The following OSBPL3 variants were observed in gnomAD, a reference collection of about 807,000 sequenced individuals.
OSBPL3 encodes oxysterol binding protein like 3.
OSBPL3 carries 65 observed loss-of-function variants against 120.1 expected under a neutral mutation model. That is an observed-to-expected ratio of 0.54 (90% CI 0.44 to 0.67). The LOEUF is 0.67. OSBPL3 is among the 30% of genes least tolerant of loss of function. OSBPL3 has a pLI of 0.00. For synonymous variants in OSBPL3, 416 were observed against 402.6 expected (o/e 1.03, Z -0.40); for missense variants, 1,004 against 1,082.1 (o/e 0.93, Z 1.01).
chr7:24,942,025 G>A lies in OSBPL3; in HGVS notation c.-150+37861C>T, dbSNP rs373814138. The stretch of plus-strand genomic sequence containing the variant: ...CACATCTCTCTTTGTAACACATAAC[G>A]CAACAGAAAAGAAAAAGCTTTGTTC... On this transcript the variant is annotated intron_variant, in intron 1 of 22. Coordinates refer to ENST00000313367, the MANE Select transcript of OSBPL3 (RefSeq NM_015550.4). Among the ~76,000 whole-genome samples the A allele has an allele frequency of 1.8e-4, 27 of 152,196 alleles. 4 individuals carry two copies. The highest frequency in any genetic ancestry group is 5.2e-4 in the Admixed American group (8 of 15,286).
In OSBPL3 at chr7:24,967,762, T is replaced by A. The variant is rs1377421938; in HGVS notation, c.-150+12124A>T. On this transcript the variant is annotated intron_variant, in intron 1 of 22. Transcript: ENST00000313367. The surrounding 1 kb of genome is among the most constrained non-coding windows in gnomAD (Gnocchi z 5.6). The stretch of plus-strand genomic sequence containing the variant: ...GGACCTGCCCCAAAGGTTCTATAGG[T>A]AAAGGCCCCCTTAACTGTCACAATT... Among the ~76,000 whole-genome samples, 1 of 152,124 alleles carries A rather than the reference T, an allele frequency of 6.6e-6. No homozygotes were observed. Among genetic ancestry groups the A allele is most frequent in the Non-Finnish European group, 1.5e-5 (1 of 68,032 alleles).
In OSBPL3 at chr7:24,936,609, G is replaced by A. The variant is rs1812454260; in HGVS notation, c.-150+43277C>T. 6.6e-6 allele frequency among the ~76,000 whole-genome samples: 1 copy of A among 152,158 alleles called. No homozygotes were observed. Among genetic ancestry groups the A allele is most frequent in the South Asian group, 2.1e-4 (1 of 4,834 alleles). On this transcript the variant is annotated intron_variant, in intron 1 of 22. Transcript: ENST00000313367. The surrounding 1 kb of genome is among the most constrained non-coding windows in gnomAD (Gnocchi z 4.2). ...AAACCTCCTATTTGGGCTTCTGCCA[G>A]GTGGCAAAGAGAAAATGAAAATAGG... is the stretch of plus-strand genomic sequence containing the variant.
In OSBPL3 at chr7:24,852,444, C is replaced by G; in HGVS notation, c.1158+60G>C. 1 of 1,337,932 alleles carries G rather than the reference C, an allele frequency of 7.5e-7. No individual in the cohort carries two copies. The highest frequency in any genetic ancestry group is 9.8e-7 in the Non-Finnish European group (1 of 1,021,600). 82.9% of individuals were successfully genotyped at this position (1,337,932 alleles called of 1,614,324 possible). On this transcript the variant is annotated intron_variant, in intron 11 of 22. Transcript: ENST00000313367. The surrounding 1 kb of genome is among the most constrained non-coding windows in gnomAD (Gnocchi z 4.1). The stretch of plus-strand genomic sequence containing the variant: ...AACATAATCATGGAAATAGAAATTA[C>G]AAACCATTCATGAGCCTGGACACAT...
At chr7:24,970,150 G>A (rs1242467817) in intron 1 of OSBPL3, among the ~76,000 whole-genome samples, 1 of 120,954 alleles carries the variant, frequency 8.3e-6, no homozygotes, top group African/African-American at 3.3e-5. Flanking sequence ...CGCTCTTGTC[G>A]TCTAGGGAGT....
In OSBPL3 at chr7:24,883,961, G is replaced by C. The variant is rs1203635750; in HGVS notation, c.96+8416C>G. 6.6e-6 allele frequency among the ~76,000 whole-genome samples: 1 copy of C among 152,074 alleles called. No homozygotes were observed. The highest frequency in any genetic ancestry group is 1.5e-5 in the Non-Finnish European group (1 of 68,024). ...TTATAACCATAGGGGTGGCTAAAAG[G>C]TCAGCAGTAAGGAGGAGAAGTAAAA... On this transcript the variant is annotated intron_variant, in intron 2 of 22. Transcript: ENST00000313367. This position sits in a 1 kb window ranked among gnomAD's most constrained non-coding sequence, Gnocchi z 5.4.
Position 24,930,065 on chromosome 7 carries a change from C to A in OSBPL3, c.-149-37444G>T, listed in dbSNP as rs1278778358. ...GTTAATGATAAAGGAAGGAAAATAT[C>A]ATACATTCTTTATGAGAAAACTTTA... On this transcript the variant is annotated intron_variant, in intron 1 of 22. Coordinates refer to ENST00000313367, the MANE Select transcript of OSBPL3 (RefSeq NM_015550.4). This position sits in a 1 kb window ranked among gnomAD's most constrained non-coding sequence, Gnocchi z 4.4. Among the ~76,000 whole-genome samples the A allele has an allele frequency of 6.6e-6, 1 of 152,070 alleles. No homozygotes were observed. Among genetic ancestry groups the A allele is most frequent in the Non-Finnish European group, 1.5e-5 (1 of 67,998 alleles).
At chr7:24,897,237 T>A (rs138637138) in intron 1 of OSBPL3, among the ~76,000 whole-genome samples, 369 of 151,756 alleles carry the variant, frequency 2.4e-3, no homozygotes, top group African/African-American at 8.5e-3. Flanking sequence ...TCCTCTCTCC[T>A]GGCTTCCTGA....
At position 24,817,488 on chromosome 7, in the gene OSBPL3, G is replaced by A. The variant is rs1296539000; in HGVS notation, c.1949-800C>T. ...GCCATTGCACTCCAGCCTGGGTGATGGAGTGAGATTCTGCCAAAAAAAACA... is the reference window on the plus strand; with the variant it reads ...GCCATTGCACTCCAGCCTGGGTGATAGAGTGAGATTCTGCCAAAAAAAACA... On this transcript the variant is annotated intron_variant, in intron 17 of 22. Coordinates refer to ENST00000313367, the MANE Select transcript of OSBPL3 (RefSeq NM_015550.4). The surrounding 1 kb of genome is among the most constrained non-coding windows in gnomAD (Gnocchi z 4.0). Among the ~76,000 whole-genome samples, 2 of 152,030 alleles carry A rather than the reference G, an allele frequency of 1.3e-5. No homozygotes were observed. Among genetic ancestry groups the A allele is most frequent in the South Asian group, 2.1e-4 (1 of 4,818 alleles).
At position 24,964,206 on chromosome 7, in the gene OSBPL3, T is replaced by G. The variant is rs1816120209; in HGVS notation, c.-150+15680A>C. Among the ~76,000 whole-genome samples, 1 of 152,124 alleles carries G rather than the reference T, an allele frequency of 6.6e-6. No individual in the cohort carries two copies. Among genetic ancestry groups the G allele is most frequent in the Non-Finnish European group, 1.5e-5 (1 of 68,006 alleles). On this transcript the variant is annotated intron_variant, in intron 1 of 22. Coordinates refer to ENST00000313367, the MANE Select transcript of OSBPL3 (RefSeq NM_015550.4). This position sits in a 1 kb window ranked among gnomAD's most constrained non-coding sequence, Gnocchi z 4.2. ...TGTAGCTACACCACCCTCAAGGAAG[T>G]GCAGTGTAACTCCCCACTCCTTAAG...
In OSBPL3 at chr7:24,853,188, G is replaced by C. The variant is rs563980709; in HGVS notation, c.1028-554C>G. Among the ~76,000 whole-genome samples the C allele has an allele frequency of 2.6e-4, 39 of 152,304 alleles. No individual in the cohort carries two copies. The South Asian group carries it at 8.1e-3, about 32-fold the overall frequency. ...AAGACTGGAAAGGGTTAAAAACAAAGCTTATTGGTTTTCCAGGGGAAAATG... is the reference window on the plus strand; with the variant it reads ...AAGACTGGAAAGGGTTAAAAACAAACCTTATTGGTTTTCCAGGGGAAAATG... On this transcript the variant is annotated intron_variant, in intron 10 of 22. Coordinates refer to ENST00000313367, the MANE Select transcript of OSBPL3 (RefSeq NM_015550.4).
rs185179811 is a variant in OSBPL3, at chr7:24,879,845, T to C, written c.97-7776A>G. 3.3e-5 allele frequency among the ~76,000 whole-genome samples: 5 copies of C among 152,366 alleles called. No individual in the cohort carries two copies. Among genetic ancestry groups the C allele is most frequent in the Non-Finnish European group, 5.9e-5 (4 of 68,036 alleles). ...CTGTTGATCACTCACTCAGCATTTA[T>C]GGCTACAATTACTTTGGCATGTTTT... On this transcript the variant is annotated intron_variant, in intron 2 of 22. Coordinates refer to ENST00000313367, the MANE Select transcript of OSBPL3 (RefSeq NM_015550.4). This position sits in a 1 kb window ranked among gnomAD's most constrained non-coding sequence, Gnocchi z 5.6.
rs143167739 is a variant in OSBPL3 at position 24,936,913 on chromosome 7, G to A, written c.-150+42973C>T. Among the ~76,000 whole-genome samples, 874 of 152,238 alleles carry A rather than the reference G, an allele frequency of 5.7e-3. 11 individuals are homozygous for A. The highest frequency in any genetic ancestry group is 0.019 in the African/African-American group (801 of 41,540). ...TATTGAGCTCTTAAAACTATATACC[G>A]GGTGAAAAACAATGAGGTCCTGACT... On this transcript the variant is annotated intron_variant, in intron 1 of 22. Coordinates refer to ENST00000313367, the MANE Select transcript of OSBPL3 (RefSeq NM_015550.4). This position sits in a 1 kb window ranked among gnomAD's most constrained non-coding sequence, Gnocchi z 4.2.
chr7:24,966,220 T>C lies in OSBPL3; in HGVS notation c.-150+13666A>G, dbSNP rs1042820630. Among the ~76,000 whole-genome samples the C allele has an allele frequency of 6.6e-6, 1 of 152,204 alleles. No homozygotes were observed. Among genetic ancestry groups the C allele is most frequent in the Non-Finnish European group, 1.5e-5 (1 of 68,042 alleles). On this transcript the variant is annotated intron_variant, in intron 1 of 22. Transcript: ENST00000313367. This position sits in a 1 kb window ranked among gnomAD's most constrained non-coding sequence, Gnocchi z 4.8. ...TAGCCGCGAAGAGAAATCCAGCACC[T>C]GCGGAGACCACACACTGCACATTTT...
chr7:24,889,264 C>T (rs940945537), intron 2 of OSBPL3, among the ~76,000 whole-genome samples: 15 of 152,152 alleles, frequency 9.9e-5, no homozygotes, highest in Admixed American at 7.2e-4. Context: ...AAGAAAAATG[C>T]TGCATGATTT....
rs1461205567 is a variant in OSBPL3, at chr7:24,824,963, A to T, written c.1885-4725T>A. On this transcript the variant is annotated intron_variant, in intron 16 of 22. Transcript: ENST00000313367. The surrounding 1 kb of genome is among the most constrained non-coding windows in gnomAD (Gnocchi z 4.9). ...CTGGAAAATGCTTGGTATGAAGCAG[A>T]AGAAGCAAGGCCAGTCTGGCAGAGC... 6.6e-6 allele frequency among the ~76,000 whole-genome samples: 1 copy of T among 152,232 alleles called. No individual in the cohort carries two copies. The highest frequency in any genetic ancestry group is 6.5e-5 in the Admixed American group (1 of 15,288).
At position 24,933,349 on chromosome 7, in the gene OSBPL3, A is replaced by T. The variant is rs757050195; in HGVS notation, c.-149-40728T>A. 2.9e-4 allele frequency among the ~76,000 whole-genome samples: 44 copies of T among 152,176 alleles called. 1 individual carries two copies. The highest frequency in any genetic ancestry group is 5.1e-4 in the Non-Finnish European group (35 of 68,032). ...GAACCAACCCATGAAGGTAAAAAGC[A>T]ACCTTGCCAACATACACCCTTTAGA... On this transcript the variant is annotated intron_variant, in intron 1 of 22. Transcript: ENST00000313367. This position sits in a 1 kb window ranked among gnomAD's most constrained non-coding sequence, Gnocchi z 5.1.
Position 24,959,930 on chromosome 7 carries a change from A to C in OSBPL3, c.-150+19956T>G, listed in dbSNP as rs1310941099. Among the ~76,000 whole-genome samples the C allele has an allele frequency of 6.6e-6, 1 of 152,192 alleles. No individual in the cohort carries two copies. The highest frequency in any genetic ancestry group is 2.4e-5 in the African/African-American group (1 of 41,470). ...TCACAAATGGTATTCAAATTTTTTG[A>C]TTAAGAATAAAGTGAGGTGACCAAC... On this transcript the variant is annotated intron_variant, in intron 1 of 22. Coordinates refer to ENST00000313367, the MANE Select transcript of OSBPL3 (RefSeq NM_015550.4). The surrounding 1 kb of genome is among the most constrained non-coding windows in gnomAD (Gnocchi z 4.3).
At chr7:24,875,755 C>A (rs1413438001) in intron 2 of OSBPL3, among the ~76,000 whole-genome samples, 1 of 150,272 alleles carries the variant, frequency 6.7e-6, no homozygotes, top group African/African-American at 2.4e-5. Flanking sequence ...TAATCATATA[C>A]ATAATACATA....
intron 1 of OSBPL3, among the ~76,000 whole-genome samples, chr7:24,979,660 C>T (rs546242235): frequency 2.0e-5 from 3 of 152,112 alleles, no homozygotes; most frequent in Non-Finnish European, 2.9e-5. Flanking sequence ...GGGAAGGTGT[C>T]CTGGGGTGGG....
Sources: allele counts gnomAD v4.1 joint callset (sites outside exome capture counted in the v4.1 genomes callset), GRCh38; gene constraint gnomAD v4.1.1; non-coding constraint Gnocchi (gnomAD v3.1); transcripts MANE v1.5; gene names NCBI Gene and HGNC (gene_info 2026-07-23, HGNC 2026-07-21).